CELSR1: variants seen among roughly 807,000 people sequenced by gnomAD.
The protein encoded by CELSR1 is cadherin EGF LAG seven-pass G-type receptor 1.
Under a neutral mutation model 249.1 loss-of-function variants are expected in CELSR1, and 110 were observed. The observed-to-expected ratio is 0.44, with a 90% CI of 0.38 to 0.52. CELSR1 has a LOEUF of 0.52. Among genes scored for constraint, CELSR1 ranks in the 20% least tolerant of loss-of-function variants. The pLI, the probability that CELSR1 is intolerant of heterozygous loss-of-function variation, is 0.00. For synonymous variants in CELSR1, 2,113 were observed against 1,900.0 expected (o/e 1.11, Z -2.92); for missense variants, 4,109 against 4,296.4 (o/e 0.96, Z 1.22).
chr22:46,452,498 C>G (rs1339542876), intron 2 of CELSR1, among the ~76,000 whole-genome samples: 1 of 152,202 alleles, frequency 6.6e-6, no homozygotes, highest in Non-Finnish European at 1.5e-5. Flanking sequence ...GTACACACAG[C>G]TGGCACTTAG....
chr22:46,424,979 AC>A (rs2079520927), intron 5 of CELSR1, among the ~76,000 whole-genome samples: 1 of 152,246 alleles, frequency 6.6e-6, no homozygotes, highest in Non-Finnish European at 1.5e-5. Flanking sequence ...TGAAAAGCAA[AC>A]AAACAAAAAA....
rs2080456846 is a variant in CELSR1 at position 46,500,611 on chromosome 22, A to C, written c.3544+33016T>G. Among the ~76,000 whole-genome samples the C allele has an allele frequency of 6.6e-6, 1 of 152,102 alleles. No homozygotes were observed. The highest frequency in any genetic ancestry group is 1.5e-5 in the Non-Finnish European group (1 of 68,002). ...AGAACAGAGGCCCGAGCTAGCCCACACCTGTGTTTTTTGATCTCTGGGGGA... is the reference window on the plus strand; with the variant it reads ...AGAACAGAGGCCCGAGCTAGCCCACCCCTGTGTTTTTTGATCTCTGGGGGA... On this transcript the variant is annotated intron_variant, in intron 1 of 34. Transcript: ENST00000674500. The surrounding 1 kb of genome is among the most constrained non-coding windows in gnomAD (Gnocchi z 4.9).
chr22:46,436,025 GATT>G lies in CELSR1; in HGVS notation c.4522+146_4522+148del. On this transcript the variant is annotated intron_variant, in intron 4 of 34. Coordinates refer to ENST00000674500, the MANE Select transcript of CELSR1 (RefSeq NM_001378328.1). The surrounding 1 kb of genome is among the most constrained non-coding windows in gnomAD (Gnocchi z 5.9). ...GTTATGAACATCTTTGTGTACTTTG[GATT>G]TCTTAAATAAGACAGCTTCCTAGAC... 1.6e-6 allele frequency: 1 copy of G among 616,904 alleles called. No individual in the cohort carries two copies. Among genetic ancestry groups the G allele is most frequent in the South Asian group, 2.0e-5 (1 of 50,438 alleles). The allele number at this position is 616,904 out of a possible 1,614,324, so 38.2% of individuals were successfully genotyped here.
Position 46,376,998 on chromosome 22 carries a change from G to A in CELSR1, c.7584+63C>T, listed in dbSNP as rs913236691. 1.7e-5 allele frequency: 26 copies of A among 1,559,292 alleles called. No homozygotes were observed. In the African/African-American group the frequency reaches 3.2e-4, roughly 19 times the overall value. Reference sequence around the variant, plus strand: ...CAGGGTGCTTGGAGTGGCCAGGACAGGACTATGGTAGCTGCTCCAAGCTGC... The same window carrying A: ...CAGGGTGCTTGGAGTGGCCAGGACAAGACTATGGTAGCTGCTCCAAGCTGC... On this transcript the variant is annotated intron_variant, in intron 24 of 34. Transcript: ENST00000674500.
At chr22:46,383,746 G>A (rs2079003666) in intron 20 of CELSR1, among the ~76,000 whole-genome samples, 1 of 152,124 alleles carries the variant, frequency 6.6e-6, no homozygotes, top group Admixed American at 6.6e-5. Flanking sequence ...GCCCAGGTTG[G>A]TTCTGAATTT....
chr22:46,472,612 G>A lies in CELSR1; in HGVS notation c.3545-8267C>T, dbSNP rs1355957202. On this transcript the variant is annotated intron_variant, in intron 1 of 34. Transcript: ENST00000674500. This position sits in a 1 kb window ranked among gnomAD's most constrained non-coding sequence, Gnocchi z 7.0. ...AAGCAGCAAAACCAGCAAGGCATGG[G>A]GACGGGTGGCATCAGCTCCCGGGGC... is the stretch of plus-strand genomic sequence containing the variant. 6.6e-6 allele frequency among the ~76,000 whole-genome samples: 1 copy of A among 152,230 alleles called. No homozygotes were observed.
chr22:46,363,244 GC>G lies in CELSR1; in HGVS notation c.9038del (p.Gly3013AlafsTer47). The G allele has an allele frequency of 6.2e-7, 1 of 1,611,546 alleles. No homozygotes were observed. Among genetic ancestry groups the G allele is most frequent in the Non-Finnish European group, 8.5e-7 (1 of 1,179,204 alleles). ...SAQADGSDSE[G>X]SNETSI ...TGGTTCAAATTGAAGTTTCATTACT[GC>G]CTCTGCGCGTGGGAAGAAGCCAGCA... On this transcript the variant is annotated frameshift_variant and splice_region_variant, in exon 35 of 35. Transcript: ENST00000674500. LOFTEE classifies it high-confidence loss of function. This position sits in a 1 kb window ranked among gnomAD's most constrained non-coding sequence, Gnocchi z 4.3.
rs542142444 is a variant in CELSR1 at position 46,479,845 on chromosome 22, G to T, written c.3545-15500C>A. Among the ~76,000 whole-genome samples the T allele has an allele frequency of 8.9e-4, 135 of 151,534 alleles. 2 individuals carry two copies. Among genetic ancestry groups the T allele is most frequent in the Non-Finnish European group, 5.0e-4 (34 of 67,770 alleles). On this transcript the variant is annotated intron_variant, in intron 1 of 34. Transcript: ENST00000674500. ...CCAGGCAGAAATGGTATTTGGTAAC[G>T]GGGGCTGCCTCTCCTTCACTCTCAG...
chr22:46,371,004 G>A (rs978394834), intron 25 of CELSR1, among the ~76,000 whole-genome samples: 12 of 152,304 alleles, frequency 7.9e-5, no homozygotes, highest in African/African-American at 2.4e-4. Flanking sequence ...GTGGCTTTTC[G>A]ACAAAGCCAT....
rs1378905655 is a variant in CELSR1 at position 46,402,734 on chromosome 22, T to A, written c.5227-2832A>T. On this transcript the variant is annotated intron_variant, in intron 9 of 34. Transcript: ENST00000674500. The surrounding 1 kb of genome is among the most constrained non-coding windows in gnomAD (Gnocchi z 5.0). ...ACAGACTCAGTGAGACAATTAGACT[T>A]ACTTCTGGGTGTAGGTGTTACAGAG... Among the ~76,000 whole-genome samples, 1 of 152,188 alleles carries A rather than the reference T, an allele frequency of 6.6e-6. No homozygotes were observed. Among genetic ancestry groups the A allele is most frequent in the Admixed American group, 6.5e-5 (1 of 15,282 alleles).
rs755458299 is a variant in CELSR1 at position 46,397,832 on chromosome 22, C to A, written c.5543G>T (p.Gly1848Val). The change falls in exon 12 of 35, where the codon GGG becomes GTG. Residue 1848 changes from glycine (G) to valine (V), a missense_variant. Transcript: ENST00000674500. ...CAGGGTGGCGACGTTGGTGGGCGTC[C>A]CCCCCATCCTCACTCCCTGCATTAA... is the stretch of plus-strand genomic sequence containing the variant. ...RGCMQGVRMG[G>V]TPTNVATLNM... The A allele has an allele frequency of 1.3e-6, 2 of 1,577,384 alleles. No individual in the cohort carries two copies. Among genetic ancestry groups the A allele is most frequent in the Non-Finnish European group, 1.7e-6 (2 of 1,160,208 alleles).
chr22:46,451,853 C>A (rs1022063235), intron 2 of CELSR1, among the ~76,000 whole-genome samples: 1 of 152,184 alleles, frequency 6.6e-6, no homozygotes, highest in African/African-American at 2.4e-5. Context: ...TGAGATGAGG[C>A]AATCCGATTA....
At chr22:46,481,591 T>C (rs1214181131) in intron 1 of CELSR1, 4 of 796,862 alleles carry the variant, frequency 5.0e-6, no homozygotes, top group Non-Finnish European at 8.7e-6. Flanking sequence ...GATGCACTGG[T>C]GCACCTGCTC....
intron 2 of CELSR1, among the ~76,000 whole-genome samples, chr22:46,457,821 A>G (rs1467306510): frequency 6.6e-6 from 1 of 152,156 alleles, no homozygotes; most frequent in African/African-American, 2.4e-5. Context: ...CAGGGAAGGG[A>G]AGTGTACGTG....
At chr22:46,513,093 G>T (rs1227994531) in intron 1 of CELSR1, among the ~76,000 whole-genome samples, 1 of 152,132 alleles carries the variant, frequency 6.6e-6, no homozygotes, top group East Asian at 1.9e-4. Context: ...TCTGGGGCGA[G>T]ATTCAAACCC....
rs73462565 is a variant in CELSR1 at position 46,381,093 on chromosome 22, C to T, written c.7089-138G>A. 5.9e-6 allele frequency: 5 copies of T among 854,512 alleles called. No homozygotes were observed. The highest frequency in any genetic ancestry group is 9.0e-6 in the Non-Finnish European group (5 of 555,716). The allele number at this position is 854,512 out of a possible 1,614,324, so 52.9% of individuals were successfully genotyped here. A position where few individuals can be genotyped will look rare whatever the true frequency, so the allele number is the denominator to read the frequency against. ...ATCACACTCCGAGAGCTCGGACCCA[C>T]GGACCCCACAGTATCTTCATCCCTA... On this transcript the variant is annotated intron_variant, in intron 21 of 34. Transcript: ENST00000674500. This position sits in a 1 kb window ranked among gnomAD's most constrained non-coding sequence, Gnocchi z 6.0.
chr22:46,420,213 C>A (rs1171710387), intron 5 of CELSR1, among the ~76,000 whole-genome samples: 1 of 151,852 alleles, frequency 6.6e-6, no homozygotes, highest in Non-Finnish European at 1.5e-5. Flanking sequence ...CACACTCGTA[C>A]ATACCCACAT....
chr22:46,511,334 C>T (rs1217252702), intron 1 of CELSR1, among the ~76,000 whole-genome samples: 1 of 152,200 alleles, frequency 6.6e-6, no homozygotes, highest in Non-Finnish European at 1.5e-5. Flanking sequence ...CTCTTCCAGT[C>T]TACACAGCTG....
intron 1 of CELSR1, among the ~76,000 whole-genome samples, chr22:46,469,510 G>GT: frequency 6.6e-6 from 1 of 151,260 alleles, no homozygotes; most frequent in South Asian, 2.1e-4. Flanking sequence ...TTGTTTTGTT[G>GT]TTGTTTGTTT....
Sources: gnomAD v4.1 joint callset for allele counts (sites outside exome capture counted in the v4.1 genomes callset) on GRCh38, gnomAD v4.1.1 for gene constraint, Gnocchi (gnomAD v3.1) non-coding constraint, MANE v1.5 for transcripts, NCBI Gene and HGNC (gene_info 2026-07-23, HGNC 2026-07-21) for gene names.